Variants in PTPRM observed in about 807,000 individuals in gnomAD.
PTPRM encodes the protein receptor-type tyrosine-protein phosphatase mu.
In PTPRM, 47 loss-of-function variants were observed where a neutral mutation model predicts 186.7. The ratio of observed to expected loss-of-function variants is 0.25; its 90% CI spans 0.20 to 0.32. The LOEUF (loss-of-function observed/expected upper bound fraction) is 0.32, where lower values mean the gene tolerates loss of function less well. PTPRM is among the 10% of genes least tolerant of loss of function. The pLI is 1.00. For synonymous variants in PTPRM, 668 were observed against 674.9 expected (o/e 0.99, Z 0.16); for missense variants, 1,494 against 1,865.0 (o/e 0.80, Z 3.66).
At chr18:7,948,225 A>G (rs2147041230) in intron 5 of PTPRM, among the ~76,000 whole-genome samples, 1 of 149,390 alleles carries the variant, frequency 6.7e-6, no homozygotes, top group African/African-American at 2.5e-5. Flanking sequence ...GTATTTGTCT[A>G]TGGGGGACTG....
At chr18:8,105,899 G>A (rs2091494212) in intron 11 of PTPRM, among the ~76,000 whole-genome samples, 2 of 152,246 alleles carry the variant, frequency 1.3e-5, no homozygotes, top group South Asian at 2.1e-4. Flanking sequence ...TATGGCCTTT[G>A]TAGCCTAAGG....
intron 1 of PTPRM, among the ~76,000 whole-genome samples, chr18:7,766,647 A>AG (rs2042028337): frequency 6.6e-6 from 1 of 152,284 alleles, no homozygotes; most frequent in Middle Eastern, 3.4e-3. Flanking sequence ...GGAGCCAGGC[A>AG]GGGGGGCGAC....
chr18:7,664,448 C>A (rs535270591), intron 1 of PTPRM, among the ~76,000 whole-genome samples: 4 of 152,220 alleles, frequency 2.6e-5, no homozygotes, highest in African/African-American at 9.6e-5. Flanking sequence ...CTGGAGCCTG[C>A]GCTGTTCTCA....
chr18:7,991,890 G>A (rs1422349727), intron 7 of PTPRM, among the ~76,000 whole-genome samples: 1 of 152,130 alleles, frequency 6.6e-6, no homozygotes, highest in Admixed American at 6.6e-5. Flanking sequence ...ATACATGGAT[G>A]ATGTTTCAGA....
At chr18:8,397,267 C>T (rs968755388) in intron 32 of PTPRM, among the ~76,000 whole-genome samples, 4 of 152,216 alleles carry the variant, frequency 2.6e-5, no homozygotes, top group Non-Finnish European at 4.4e-5. Context: ...CAAATGCTAC[C>T]GCTCTACCCT....
At chr18:7,972,479 TAAAA>T (rs11445031) in intron 7 of PTPRM, among the ~76,000 whole-genome samples, 1 of 44,368 alleles carries the variant, frequency 2.3e-5, no homozygotes, top group Non-Finnish European at 3.6e-5. Flanking sequence ...AAAAAAACAT[TAAAA>T]AAAAAAAAAA....
In PTPRM at chr18:7,883,917, G is replaced by T. The variant is rs1038178715; in HGVS notation, c.197-4189G>T. On this transcript the variant is annotated intron_variant, in intron 2 of 32. Coordinates refer to ENST00000580170, the MANE Select transcript of PTPRM (RefSeq NM_001105244.2). Reference sequence around the variant, plus strand: ...AACATTTGGGAGGGTGAGGCAGGAAGATTGCTTTAATCTTGGAGTTAGAGA... The same window carrying T: ...AACATTTGGGAGGGTGAGGCAGGAATATTGCTTTAATCTTGGAGTTAGAGA... 2.0e-5 allele frequency among the ~76,000 whole-genome samples: 3 copies of T among 152,146 alleles called. No individual in the cohort carries two copies. The East Asian group carries it at 5.8e-4, about 29-fold the overall frequency.
chr18:8,186,507 T>G (rs185545422), intron 14 of PTPRM, among the ~76,000 whole-genome samples: 1 of 152,332 alleles, frequency 6.6e-6, no homozygotes, highest in Non-Finnish European at 1.5e-5. Flanking sequence ...CATTCCTTTT[T>G]TGACAGAAAT....
In PTPRM at chr18:8,118,811, A is replaced by AAAAAT. The variant is rs372020679; in HGVS notation, c.2167+3985_2167+3986insAAATA. Among the ~76,000 whole-genome samples the AAAAAT allele has an allele frequency of 5.0e-3, 638 of 128,340 alleles. 7 individuals carry two copies. The highest frequency in any genetic ancestry group is 0.042 in the South Asian group (163 of 3,840). 84.2% of individuals were successfully genotyped at this position (128,340 alleles called of 152,430 possible). A position where few individuals can be genotyped will look rare whatever the true frequency, so the allele number is the denominator to read the frequency against. On this transcript the variant is annotated intron_variant, in intron 13 of 32. Transcript: ENST00000580170. Reference sequence around the variant, plus strand: ...TGACATTCCATCTCAAAAAAAAAAAAATATATATATATATATATATATGAG... The same window carrying AAAAAT: ...TGACATTCCATCTCAAAAAAAAAAAAAAAATATATATATATATATATATATATGAG...
intron 19 of PTPRM, among the ~76,000 whole-genome samples, chr18:8,281,392 T>C (rs1230903972): frequency 6.6e-6 from 1 of 152,176 alleles, no homozygotes; most frequent in Non-Finnish European, 1.5e-5. Flanking sequence ...AGGATGCTTG[T>C]TGCGGGGATT....
In PTPRM at chr18:7,861,548, T is replaced by C. The variant is rs141963308; in HGVS notation, c.197-26558T>C. 2.2e-3 allele frequency among the ~76,000 whole-genome samples: 335 copies of C among 152,242 alleles called. 1 individual carries two copies. Among genetic ancestry groups the C allele is most frequent in the South Asian group, 3.9e-3 (19 of 4,814 alleles). On this transcript the variant is annotated intron_variant, in intron 2 of 32. Transcript: ENST00000580170. The stretch of plus-strand genomic sequence containing the variant: ...GGGTAAATTGAAATGACCCTAAAAG[T>C]TCTATAAAATATACCTAAAACAAGT...
intron 7 of PTPRM, among the ~76,000 whole-genome samples, chr18:8,050,056 G>A (rs574258805): frequency 2.6e-5 from 4 of 152,220 alleles, no homozygotes; most frequent in East Asian, 1.9e-4. Context: ...AGTCATAAAG[G>A]GATTTGATTT....
chr18:8,344,617 G>T (rs1000172818), intron 23 of PTPRM, among the ~76,000 whole-genome samples: 2 of 151,738 alleles, frequency 1.3e-5, no homozygotes, highest in Admixed American at 1.3e-4. Flanking sequence ...GTTTAGCTTA[G>T]CCCTTAATAA....
At chr18:7,779,893 C>T (rs965328319) in intron 2 of PTPRM, among the ~76,000 whole-genome samples, 15 of 152,314 alleles carry the variant, frequency 9.8e-5, no homozygotes, top group Non-Finnish European at 4.4e-5. Flanking sequence ...ATCCTCTTCT[C>T]AGCCTACCTT....
intron 20 of PTPRM, among the ~76,000 whole-genome samples, chr18:8,306,529 A>T (rs970506363): frequency 3.3e-5 from 5 of 152,350 alleles, no homozygotes; most frequent in Admixed American, 1.3e-4. Context: ...GTCTTCTCAA[A>T]CTTAGCAGGC....
intron 23 of PTPRM, among the ~76,000 whole-genome samples, chr18:8,370,242 T>C (rs2095656004): frequency 6.6e-6 from 1 of 150,614 alleles, no homozygotes; most frequent in African/African-American, 2.4e-5. Flanking sequence ...AATATGACAG[T>C]GGAGTGCTTC....
intron 7 of PTPRM, among the ~76,000 whole-genome samples, chr18:8,034,171 A>G (rs569674542): frequency 7.9e-5 from 12 of 151,838 alleles, no homozygotes; most frequent in Admixed American, 2.0e-4. Context: ...GAACTAGGTC[A>G]CATTCACAGG....
intron 1 of PTPRM, among the ~76,000 whole-genome samples, chr18:7,768,306 C>T (rs374809318): frequency 6.6e-6 from 1 of 151,970 alleles, no homozygotes; most frequent in Non-Finnish European, 1.5e-5. Context: ...GAATCAGCAA[C>T]ATAGGGAGAT....
intron 23 of PTPRM, 61 bp downstream of exon 23, chr18:8,343,581 T>TAAGGAAGC (rs899911676): frequency 6.7e-7 from 1 of 1,487,444 alleles, no homozygotes; most frequent in African/African-American, 1.4e-5. Context: ...TAACAGAAAG[T>TAAGGAAGC]AAGGCATGAG....
Sources: gnomAD v4.1 joint callset for allele counts (sites outside exome capture counted in the v4.1 genomes callset) on GRCh38, gnomAD v4.1.1 for gene constraint, MANE v1.5 for transcripts, NCBI Gene and HGNC (gene_info 2026-07-23, HGNC 2026-07-21) for gene names.